Variants in LGSN observed in about 807,000 individuals in gnomAD.
The protein encoded by LGSN is lengsin, lens protein with glutamine synthetase domain, also known as lengsin.
Under a neutral mutation model 19.5 loss-of-function variants are expected in LGSN, and 21 were observed. That is an observed-to-expected ratio of 1.07 (90% confidence interval 0.76 to 1.55). The LOEUF is 1.55. LGSN is among the 40% of genes most tolerant of loss of function. The pLI is 0.00. For synonymous variants in LGSN, 257 were observed against 215.6 expected, an observed-to-expected ratio of 1.19 and a Z score of -1.68; for missense variants, 673 against 608.5, an observed-to-expected ratio of 1.11 and a Z score of -1.12.
chr6:63,538,700 G>C, the LGSN span, among the ~76,000 whole-genome samples: 1 of 152,064 alleles, frequency 6.6e-6, no homozygotes, highest in Non-Finnish European at 1.5e-5. Context: ...GCCTACAATA[G>C]TTCAAAACAT....
Position 63,306,711 on chromosome 6 carries a change from T to C in LGSN, c.31-11666A>G, listed in dbSNP as rs190908436. ...GAGCAAACTCAAATAGCAGACAGATTACAAAAAAACACAATGGGCTGGAGG... is the reference window on the plus strand; with the variant it reads ...GAGCAAACTCAAATAGCAGACAGATCACAAAAAAACACAATGGGCTGGAGG... On this transcript the variant is annotated intron_variant, in intron 1 of 3. Coordinates refer to ENST00000370657, the MANE Select transcript of LGSN (RefSeq NM_016571.3). 3.4e-3 allele frequency among the ~76,000 whole-genome samples: 513 copies of C among 152,166 alleles called. 1 individual carries two copies. Among genetic ancestry groups the C allele is most frequent in the Middle Eastern group, 6.8e-3 (2 of 294 alleles).
At chr6:63,281,296 C>T (rs549656829) in intron 3 of LGSN, 76 bp from the exon 4 acceptor site, 2 of 288,698 alleles carry the variant, frequency 6.9e-6, no homozygotes, top group African/African-American at 3.5e-5. Flanking sequence ...GAAAGCCTTG[C>T]TAATGAAAAT....
chr6:63,391,803 C>T, the LGSN span, among the ~76,000 whole-genome samples: 1 of 152,076 alleles, frequency 6.6e-6, no homozygotes, highest in Admixed American at 6.6e-5. Flanking sequence ...AAGCAGAAGT[C>T]ACATGATGTA....
At chr6:63,511,036 C>G in the LGSN span, among the ~76,000 whole-genome samples, 55 of 152,118 alleles carry the variant, frequency 3.6e-4, no homozygotes, top group African/African-American at 1.3e-3. Context: ...ATAAAATGTG[C>G]TTGGTAGAAT....
chr6:63,519,644 T>C, the LGSN span, among the ~76,000 whole-genome samples: 14 of 152,292 alleles, frequency 9.2e-5, no homozygotes, highest in African/African-American at 3.4e-4. Context: ...GTGACTCAAT[T>C]GAATTAAAAA....
chr6:63,492,070 T>C, the LGSN span, among the ~76,000 whole-genome samples: 1 of 152,156 alleles, frequency 6.6e-6, no homozygotes, highest in Non-Finnish European at 1.5e-5. Flanking sequence ...TTACTGTCAT[T>C]CTGGTTCTAC....
the LGSN span, among the ~76,000 whole-genome samples, chr6:63,469,236 G>A: frequency 6.6e-6 from 1 of 152,064 alleles, no homozygotes; most frequent in African/African-American, 2.4e-5. Context: ...CCAGAAACTT[G>A]GTATGCTTCA....
the LGSN span, among the ~76,000 whole-genome samples, chr6:63,449,541 C>CAA: frequency 9.3e-6 from 1 of 107,068 alleles, no homozygotes; most frequent in Non-Finnish European, 1.9e-5. Context: ...GAGACTCCGT[C>CAA]AAAAAAAAAA....
chr6:63,496,746 C>A, the LGSN span, among the ~76,000 whole-genome samples: 17 of 151,600 alleles, frequency 1.1e-4, no homozygotes, highest in South Asian at 2.9e-3. Context: ...AGTCACCATG[C>A]CCAGCCTACT....
At chr6:63,481,399 G>A in the LGSN span, among the ~76,000 whole-genome samples, 1 of 151,642 alleles carries the variant, frequency 6.6e-6, no homozygotes, top group Admixed American at 6.6e-5. Flanking sequence ...CTGGAGGGCA[G>A]TGGTGCAATC....
chr6:63,414,459 GA>G, the LGSN span, among the ~76,000 whole-genome samples: 1 of 152,030 alleles, frequency 6.6e-6, no homozygotes. Flanking sequence ...GTATTCTTTA[GA>G]AAAAAACCCA....
At chr6:63,403,840 G>A in the LGSN span, among the ~76,000 whole-genome samples, 1 of 152,124 alleles carries the variant, frequency 6.6e-6, no homozygotes, top group Non-Finnish European at 1.5e-5. Flanking sequence ...CCTTAGGTGT[G>A]AGCATGACCT....
chr6:63,298,514 C>A (rs1768065328), intron 1 of LGSN, among the ~76,000 whole-genome samples: 1 of 152,086 alleles, frequency 6.6e-6, no homozygotes. Context: ...CCTTTTGTTT[C>A]TTTTTCTAAT....
chr6:63,526,831 ATATATTTATT>A, the LGSN span, among the ~76,000 whole-genome samples: 6 of 132,354 alleles, frequency 4.5e-5, no homozygotes, highest in African/African-American at 1.8e-4. Context: ...ATATATATAT[ATATATTTATT>A]TATTTATTCT....
chr6:63,349,200 TTA>T, the LGSN span, among the ~76,000 whole-genome samples: 7 of 152,218 alleles, frequency 4.6e-5, no homozygotes, highest in Non-Finnish European at 1.0e-4. Context: ...TGTTTTGTTG[TTA>T]TTGACTTAAG....
chr6:63,402,479 TA>T, the LGSN span, among the ~76,000 whole-genome samples: 1 of 152,190 alleles, frequency 6.6e-6, no homozygotes, highest in Non-Finnish European at 1.5e-5. Context: ...TTATTTCTTC[TA>T]AAAACTTTTA....
the LGSN span, among the ~76,000 whole-genome samples, chr6:63,446,713 T>C: frequency 1.3e-5 from 2 of 152,164 alleles, no homozygotes; most frequent in African/African-American, 2.4e-5. Flanking sequence ...TTGATGTGAG[T>C]TGGTGGTCTT....
the LGSN span, among the ~76,000 whole-genome samples, chr6:63,379,838 T>C: frequency 1.3e-5 from 2 of 148,664 alleles, no homozygotes; most frequent in African/African-American, 5.1e-5. Flanking sequence ...TGCCATATAA[T>C]TTTTTTCTTT....
At chr6:63,367,492 G>A in the LGSN span, among the ~76,000 whole-genome samples, 2 of 152,128 alleles carry the variant, frequency 1.3e-5, no homozygotes, top group East Asian at 3.9e-4. Flanking sequence ...CACTGTTGGT[G>A]GGACTGTAAA....
Sources: gnomAD v4.1 joint callset for allele counts (sites outside exome capture counted in the v4.1 genomes callset) on GRCh38, gnomAD v4.1.1 for gene constraint, MANE v1.5 for transcripts, NCBI Gene and HGNC (gene_info 2026-07-23, HGNC 2026-07-21) for gene names.